FGF1: variants seen among roughly 807,000 people sequenced by gnomAD.
The protein encoded by FGF1 is fibroblast growth factor 1.
FGF1 carries 9 observed loss-of-function variants against 13.4 expected under a neutral mutation model. The observed-to-expected ratio is 0.67, with a 90% CI of 0.40 to 1.17. The LOEUF (loss-of-function observed/expected upper bound fraction) is 1.17, where lower values mean the gene tolerates loss of function less well. Among genes scored for constraint, FGF1 ranks in the 50% most tolerant of loss-of-function variants. The probability of loss-of-function intolerance (pLI) is 0.01; values close to 1 mark genes in which losing one functional copy is unlikely to be tolerated. For missense variants in FGF1, 156 were observed against 192.7 expected (o/e 0.81, Z 1.13); for synonymous variants, 93 against 79.0 (o/e 1.18, Z -0.94).
chr5:142,619,633 T>A (rs183270714), intron 1 of FGF1, among the ~76,000 whole-genome samples: 101 of 152,256 alleles, frequency 6.6e-4, no homozygotes, highest in Admixed American at 3.5e-3. Flanking sequence ...CTTATCTTCG[T>A]GACCAGCCTG....
At chr5:142,615,424 A>C (rs1313570786) in intron 1 of FGF1, among the ~76,000 whole-genome samples, 2 of 152,158 alleles carry the variant, frequency 1.3e-5, no homozygotes, top group African/African-American at 4.8e-5. Context: ...GGGTTTCACC[A>C]TGTTGGCCAG....
At chr5:142,644,868 C>T (rs1279033927) in intron 1 of FGF1, among the ~76,000 whole-genome samples, 2 of 152,170 alleles carry the variant, frequency 1.3e-5, no homozygotes, top group East Asian at 3.9e-4. Context: ...AACCTTAGCA[C>T]ACATGAGAGG....
In FGF1 at chr5:142,601,034, G is replaced by T. The variant is rs17217366; in HGVS notation, c.170-229C>A. The T allele has an allele frequency of 6.6e-3, 4,006 of 611,038 alleles. 54 individuals are homozygous for T. The highest frequency in any genetic ancestry group is 0.039 in the African/African-American group (2,161 of 55,578). The allele number at this position is 611,038 out of a possible 1,614,324, so 37.9% of individuals were successfully genotyped here. On this transcript the variant is annotated intron_variant, in intron 2 of 3. Coordinates refer to ENST00000337706, the MANE Select transcript of FGF1 (RefSeq NM_000800.5). The stretch of plus-strand genomic sequence containing the variant: ...CCTTGGGAAAGGAAGGAGAGACAAC[G>T]GCCGGCTCACCTACCTGTCCACCCT...
chr5:142,609,204 G>C (rs149819446), intron 2 of FGF1, among the ~76,000 whole-genome samples: 1 of 152,136 alleles, frequency 6.6e-6, no homozygotes, highest in South Asian at 2.1e-4. Context: ...CTCTGCTAGC[G>C]CCTTTAGGAT....
At chr5:142,601,989 A>G (rs1016757447) in intron 2 of FGF1, among the ~76,000 whole-genome samples, 16 of 152,178 alleles carry the variant, frequency 1.1e-4, no homozygotes, top group African/African-American at 3.9e-4. Flanking sequence ...CGTCACAACC[A>G]TCATTACAAC....
At chr5:142,619,872 G>A (rs983931000) in intron 1 of FGF1, among the ~76,000 whole-genome samples, 2 of 151,414 alleles carry the variant, frequency 1.3e-5, no homozygotes, top group Non-Finnish European at 2.9e-5. Context: ...AAAACCCTGT[G>A]CTATTCCAAA....
chr5:142,623,098 T>A (rs1482765348), intron 1 of FGF1, among the ~76,000 whole-genome samples: 1 of 152,236 alleles, frequency 6.6e-6, no homozygotes, highest in Non-Finnish European at 1.5e-5. Flanking sequence ...CCAGGGCTTT[T>A]AAAATTCTCC....
intron 1 of FGF1, among the ~76,000 whole-genome samples, chr5:142,648,692 A>C (rs1182552044): frequency 7.1e-6 from 1 of 140,570 alleles, no homozygotes; most frequent in Non-Finnish European, 1.5e-5. Flanking sequence ...CACCAACCAA[A>C]AAAAAAAAAA....
intron 1 of FGF1, among the ~76,000 whole-genome samples, chr5:142,657,946 C>T (rs1400718353): frequency 6.6e-6 from 1 of 152,162 alleles, no homozygotes; most frequent in African/African-American, 2.4e-5. Context: ...TCTGGGAGTG[C>T]TGGTCTGCCT....
At chr5:142,689,819 C>T (rs1048120690), upstream of FGF1, among the ~76,000 whole-genome samples, 3 of 150,750 alleles carry the variant, frequency 2.0e-5, no homozygotes, top group Non-Finnish European at 4.4e-5. Flanking sequence ...CTGCCTCAGC[C>T]TCCGGAGTAG....
chr5:142,672,500 G>GTTTTT (rs34954693), intron 1 of FGF1, among the ~76,000 whole-genome samples: 2 of 123,362 alleles, frequency 1.6e-5, no homozygotes, highest in Non-Finnish European at 3.4e-5. Flanking sequence ...TTTCTGTACA[G>GTTTTT]TTTTTTTTTT....
chr5:142,688,417 G>C (rs1333473150), upstream of FGF1, among the ~76,000 whole-genome samples: 1 of 152,174 alleles, frequency 6.6e-6, no homozygotes, highest in African/African-American at 2.4e-5. Flanking sequence ...GTTATTTAGA[G>C]TAGGAAGGGA....
intron 2 of FGF1, 50 bp from the exon 3 acceptor site, chr5:142,600,855 C>T (rs1369056936): frequency 1.2e-5 from 17 of 1,368,552 alleles, no homozygotes; most frequent in Middle Eastern, 1.8e-4. Context: ...ACGCTTTTGC[C>T]GATAGGACCC....
At chr5:142,684,069 C>A (rs905000440) in intron 1 of FGF1, among the ~76,000 whole-genome samples, 1 of 152,112 alleles carries the variant, frequency 6.6e-6, no homozygotes, top group African/African-American at 2.4e-5. Flanking sequence ...GCGGACTCGC[C>A]CTGACTTCTT....
intron 1 of FGF1, chr5:142,671,903 C>T (rs532283875): frequency 6.6e-6 from 1 of 152,280 alleles, no homozygotes; most frequent in African/African-American, 2.4e-5. Context: ...TCTGTGGTCA[C>T]ACAGCTGGTA....
upstream of FGF1, chr5:142,686,114 G>A (rs1018535283): frequency 6.6e-6 from 1 of 152,112 alleles, no homozygotes; most frequent in Non-Finnish European, 1.5e-5. Flanking sequence ...GACGGGCCGT[G>A]GCATGCACAT....
intron 1 of FGF1, among the ~76,000 whole-genome samples, chr5:142,633,643 T>C (rs1763735014): frequency 2.0e-5 from 3 of 152,234 alleles, no homozygotes; most frequent in African/African-American, 7.2e-5. Flanking sequence ...CGGAGTCCAG[T>C]GTGCCCCAGG....
At chr5:142,619,503 A>C (rs185916531) in intron 1 of FGF1, among the ~76,000 whole-genome samples, 29 of 152,338 alleles carry the variant, frequency 1.9e-4, no homozygotes, top group African/African-American at 6.5e-4. Flanking sequence ...AAATTTTGTT[A>C]AGTCAAATAT....
intron 2 of FGF1, among the ~76,000 whole-genome samples, chr5:142,608,662 G>C (rs74192728): frequency 0.023 from 3,241 of 142,620 alleles, 51 homozygotes; most frequent in South Asian, 0.031. Flanking sequence ...TTTAAGGTCT[G>C]AAAAAGTTGT....
Sources: allele counts gnomAD v4.1 joint callset (sites outside exome capture counted in the v4.1 genomes callset), GRCh38; gene constraint gnomAD v4.1.1; transcripts MANE v1.5; gene names NCBI Gene and HGNC (gene_info 2026-07-23, HGNC 2026-07-21).